LIN52: variants seen among roughly 807,000 people sequenced by gnomAD.
LIN52 encodes the protein protein lin-52 homolog.
A neutral mutation model predicts 18.5 loss-of-function variants in LIN52; 4 were observed. The observed-to-expected ratio is 0.22, with a 90% confidence interval of 0.11 to 0.49. The LOEUF (loss-of-function observed/expected upper bound fraction) is 0.49, where lower values mean the gene tolerates loss of function less well. Among genes scored for constraint, LIN52 ranks in the 20% least tolerant of loss-of-function variants. The probability of loss-of-function intolerance (pLI) is 0.97; values close to 1 mark genes in which losing one functional copy is unlikely to be tolerated. For missense variants in LIN52, 102 were observed against 139.5 expected (o/e 0.73, Z 1.35); for synonymous variants, 34 against 45.5 (o/e 0.75, Z 1.02).
At chr14:74,145,670 A>G (rs912642952) in intron 5 of LIN52, among the ~76,000 whole-genome samples, 4 of 152,268 alleles carry the variant, frequency 2.6e-5, no homozygotes, top group South Asian at 2.1e-4. Context: ...TTAAGGATTT[A>G]GAATTGTAAA....
At chr14:74,144,864 C>T (rs1035331862) in intron 5 of LIN52, among the ~76,000 whole-genome samples, 1 of 152,170 alleles carries the variant, frequency 6.6e-6, no homozygotes, top group Non-Finnish European at 1.5e-5. Flanking sequence ...TTAACTGGAA[C>T]TTGTCTGAAT....
At chr14:74,140,895 A>C (rs1259615077) in intron 5 of LIN52, among the ~76,000 whole-genome samples, 1 of 151,474 alleles carries the variant, frequency 6.6e-6, no homozygotes, top group Non-Finnish European at 1.5e-5. Context: ...CAAGTGCCTT[A>C]TTTTTTTTCT....
intron 5 of LIN52, among the ~76,000 whole-genome samples, chr14:74,107,465 TC>T (rs1338468305): frequency 6.6e-6 from 1 of 152,190 alleles, no homozygotes; most frequent in African/African-American, 2.4e-5. Context: ...AAGCTGTCCT[TC>T]TATCAGCTTT....
At chr14:74,101,711 C>G (rs1478802071) in intron 5 of LIN52, among the ~76,000 whole-genome samples, 1 of 152,208 alleles carries the variant, frequency 6.6e-6, no homozygotes, top group South Asian at 2.1e-4. Context: ...CCGCCCGCCT[C>G]GGCCTCCCAA....
At chr14:74,129,714 GAC>G (rs972700127) in intron 5 of LIN52, among the ~76,000 whole-genome samples, 7 of 152,204 alleles carry the variant, frequency 4.6e-5, no homozygotes, top group African/African-American at 1.7e-4. Flanking sequence ...CAGGTGTGGT[GAC>G]ACACACCTGT....
At chr14:74,159,218 A>G (rs1220843176) in intron 5 of LIN52, among the ~76,000 whole-genome samples, 1 of 152,146 alleles carries the variant, frequency 6.6e-6, no homozygotes, top group Non-Finnish European at 1.5e-5. Context: ...AAGATTTAAT[A>G]CCAGAAATTC....
At chr14:74,094,369 C>G (rs1012241384) in intron 2 of LIN52, among the ~76,000 whole-genome samples, 1 of 151,894 alleles carries the variant, frequency 6.6e-6, no homozygotes. Flanking sequence ...AAGTGATCCT[C>G]TCACTTCAGC....
chr14:74,095,918 G>C (rs2060808546), intron 2 of LIN52, 30 bp from the exon 3 acceptor site: 3 of 1,515,608 alleles, frequency 2.0e-6, no homozygotes, highest in Non-Finnish European at 2.7e-6. Flanking sequence ...CATACTTATT[G>C]AATAAATAAA....
At chr14:74,196,603 A>G (rs2078913581) in intron 5 of LIN52, among the ~76,000 whole-genome samples, 1 of 152,162 alleles carries the variant, frequency 6.6e-6, no homozygotes, top group African/African-American at 2.4e-5. Flanking sequence ...CAATCTGCCC[A>G]AAAGTATAAG....
chr14:74,167,353 C>A (rs1180250655), intron 5 of LIN52, among the ~76,000 whole-genome samples: 3 of 151,976 alleles, frequency 2.0e-5, no homozygotes, highest in Non-Finnish European at 4.4e-5. Flanking sequence ...ATTTTCATAA[C>A]CCCTCTGGGT....
chr14:74,114,148 A>G, intron 5 of LIN52: 1 of 980,534 alleles, frequency 1.0e-6, no homozygotes, highest in Non-Finnish European at 1.2e-6. Flanking sequence ...GCCCGGCCAG[A>G]AATGCTTTTT....
intron 5 of LIN52, among the ~76,000 whole-genome samples, chr14:74,108,603 G>A (rs907849517): frequency 1.3e-5 from 2 of 152,092 alleles, no homozygotes; most frequent in African/African-American, 4.8e-5. Flanking sequence ...GTATGAAGTA[G>A]TGTCTCATTG....
rs146682664 is a variant in LIN52 at position 74,173,344 on chromosome 14, C to T, written c.284-25578C>T. ...CTGGGATTACAGGCTTGCACCACCA[C>T]GCCTGGCTAATTTTGTATTTTTAGT... On this transcript the variant is annotated intron_variant, in intron 5 of 5. Transcript: ENST00000555028. Among the ~76,000 whole-genome samples the T allele has an allele frequency of 5.9e-3, 891 of 152,202 alleles. 8 individuals are homozygous for T. Among genetic ancestry groups the T allele is most frequent in the African/African-American group, 0.02 (816 of 41,518 alleles).
chr14:74,092,866 A>G (rs59254024), intron 2 of LIN52, among the ~76,000 whole-genome samples: 169 of 150,950 alleles, frequency 1.1e-3, no homozygotes, highest in Middle Eastern at 6.8e-3. Context: ...GCAGTGAGCC[A>G]AGATTGCACT....
intron 5 of LIN52, among the ~76,000 whole-genome samples, chr14:74,170,376 A>G (rs985763024): frequency 1.3e-5 from 2 of 152,272 alleles, no homozygotes; most frequent in East Asian, 3.9e-4. Context: ...TAGGACTTGT[A>G]TATCTTCTAT....
chr14:74,168,452 A>T (rs1220181203), intron 5 of LIN52, among the ~76,000 whole-genome samples: 4 of 151,216 alleles, frequency 2.6e-5, no homozygotes, highest in Admixed American at 6.6e-5. Context: ...GTGGATCACG[A>T]GGTCAGGAGA....
chr14:74,180,978 G>A (rs1219413348), intron 5 of LIN52, among the ~76,000 whole-genome samples: 1 of 151,564 alleles, frequency 6.6e-6, no homozygotes, highest in African/African-American at 2.4e-5. Context: ...ATGGTGGTAC[G>A]CACTTGTAAT....
At chr14:74,173,657 G>A (rs2061280517) in intron 5 of LIN52, among the ~76,000 whole-genome samples, 1 of 151,990 alleles carries the variant, frequency 6.6e-6, no homozygotes, top group African/African-American at 2.4e-5. Flanking sequence ...TTAAACAAAA[G>A]GAATATTTTT....
At chr14:74,103,224 A>T (rs1446861076) in intron 5 of LIN52, among the ~76,000 whole-genome samples, 3 of 151,998 alleles carry the variant, frequency 2.0e-5, no homozygotes, top group African/African-American at 7.3e-5. Context: ...GACTACAGGC[A>T]TGCACCATGA....
Sources: allele counts gnomAD v4.1 joint callset (sites outside exome capture counted in the v4.1 genomes callset), GRCh38; gene constraint gnomAD v4.1.1; transcripts MANE v1.5; gene names NCBI Gene and HGNC (gene_info 2026-07-23, HGNC 2026-07-21).